Variants in SLC7A11 observed in about 807,000 individuals in gnomAD.
SLC7A11 encodes the protein solute carrier family 7 member 11.
Under a neutral mutation model 54.5 loss-of-function variants are expected in SLC7A11, and 35 were observed. The observed-to-expected ratio is 0.64, with a 90% CI of 0.49 to 0.85. The LOEUF (loss-of-function observed/expected upper bound fraction) is 0.85. Ranked by LOEUF, SLC7A11 falls within the 40% of genes least tolerant of loss-of-function variation. The pLI is 0.00. For missense variants in SLC7A11, 583 were observed against 618.1 expected (o/e 0.94, Z 0.60); for synonymous variants, 230 against 225.2 (o/e 1.02, Z -0.19).
intron 6 of SLC7A11, among the ~76,000 whole-genome samples, chr4:138,189,022 GA>G (rs1427853235): frequency 1.3e-5 from 2 of 152,122 alleles, no homozygotes; most frequent in Non-Finnish European, 2.9e-5. Flanking sequence ...GTCTTCAGTC[GA>G]AAAGGTCTTG....
chr4:138,180,715 G>A lies in SLC7A11; in HGVS notation c.1192C>T (p.Leu398Phe), dbSNP rs201882877. The A allele has an allele frequency of 5.0e-6, 8 of 1,612,820 alleles. No individual in the cohort carries two copies. Among genetic ancestry groups the A allele is most frequent in the African/African-American group, 1.3e-5 (1 of 74,844 alleles). Residue 398 changes from leucine (L) to phenylalanine (F), a missense_variant, in exon 10 of 12, where the codon CTT (leucine) becomes TTT (phenylalanine). Physicochemically the swap from Leu to Phe is conservative, Grantham distance 22. Coordinates refer to ENST00000280612, the MANE Select transcript of SLC7A11 (RefSeq NM_014331.4). ...LLNFLSFARW[L>F]FIGLAVAGLI... ...CCAGCAACTGCCAGCCCAATAAAAA[G>A]CCACCTGGCAAAACTGAGGAAATTC...
At chr4:138,206,641 T>C (rs1259292858) in intron 6 of SLC7A11, among the ~76,000 whole-genome samples, 1 of 151,838 alleles carries the variant, frequency 6.6e-6, no homozygotes, top group Non-Finnish European at 1.5e-5. Flanking sequence ...TATTATAATA[T>C]AATCCTATAA....
chr4:138,173,742 C>T (rs1736496096), intron 11 of SLC7A11, among the ~76,000 whole-genome samples: 2 of 151,970 alleles, frequency 1.3e-5, no homozygotes, highest in African/African-American at 4.8e-5. Flanking sequence ...GGGCCCAGCA[C>T]AGTCTCGGTA....
rs1736763109 is a variant in SLC7A11 at position 138,182,354 on chromosome 4, TTCTGGAAGGTGACCC to T, written c.1044_1058del (p.Gly349_Glu353del). On this transcript the variant is annotated inframe_deletion, in exon 9 of 12. Transcript: ENST00000280612. ...TGCGGACATGAATCATGGAGAGGATTTCTGGAAGGTGACCCTCTCGAGACGCAACATAGAATAACC... is the reference window on the plus strand; with the variant it reads ...TGCGGACATGAATCATGGAGAGGATTTCTCGAGACGCAACATAGAATAACC... The T allele has an allele frequency of 6.2e-7, 1 of 1,611,864 alleles. No homozygotes were observed. The highest frequency in any genetic ancestry group is 1.7e-5 in the Admixed American group (1 of 59,844).
intron 6 of SLC7A11, among the ~76,000 whole-genome samples, chr4:138,197,201 A>G (rs1370307300): frequency 6.6e-6 from 1 of 152,154 alleles, no homozygotes; most frequent in Admixed American, 6.5e-5. Flanking sequence ...ATATATAATA[A>G]TTAAATTTAT....
intron 2 of SLC7A11, among the ~76,000 whole-genome samples, chr4:138,234,316 C>T (rs1031685574): frequency 6.6e-6 from 1 of 152,066 alleles, no homozygotes; most frequent in African/African-American, 2.4e-5. Context: ...GCAATACTAA[C>T]TTAATCTAAA....
intron 6 of SLC7A11, among the ~76,000 whole-genome samples, chr4:138,196,427 A>G (rs1223665221): frequency 6.6e-6 from 1 of 152,190 alleles, no homozygotes; most frequent in Non-Finnish European, 1.5e-5. Flanking sequence ...AAGGAGCACA[A>G]GGAAGACTCA....
intron 1 of SLC7A11, among the ~76,000 whole-genome samples, chr4:138,241,442 G>A (rs568444590): frequency 2.0e-5 from 3 of 152,300 alleles, no homozygotes; most frequent in African/African-American, 7.2e-5. Context: ...CATGCCAGCT[G>A]CCAGAATGCC....
At chr4:138,185,075 C>G in intron 7 of SLC7A11, 46 bp downstream of exon 7, 1 of 1,607,564 alleles carries the variant, frequency 6.2e-7, no homozygotes, top group Middle Eastern at 1.7e-4. Context: ...ATTGCATCAG[C>G]TCATTAACCT....
At chr4:138,202,681 G>A (rs1453328821) in intron 6 of SLC7A11, among the ~76,000 whole-genome samples, 1 of 152,118 alleles carries the variant, frequency 6.6e-6, no homozygotes. Context: ...ACATACTAGA[G>A]TTGAAGGGAG....
intron 8 of SLC7A11, among the ~76,000 whole-genome samples, 181 bp from the exon 9 acceptor site, chr4:138,182,574 A>AT (rs1393725279): frequency 6.6e-6 from 1 of 152,096 alleles, no homozygotes; most frequent in African/African-American, 2.4e-5. Context: ...CTAAATTTGG[A>AT]TTTTACAAAA....
chr4:138,181,264 C>T (rs1044575127), intron 9 of SLC7A11, among the ~76,000 whole-genome samples: 64 of 152,106 alleles, frequency 4.2e-4, no homozygotes, highest in African/African-American at 1.4e-3. Flanking sequence ...GAAACACAGA[C>T]ACTCATAGGT....
Position 138,219,366 on chromosome 4 carries a change from C to T in SLC7A11, c.647-1G>A. The T allele has an allele frequency of 6.4e-7, 1 of 1,566,186 alleles. No homozygotes were observed. On this transcript the variant is annotated splice_acceptor_variant, in intron 4 of 11. Coordinates refer to ENST00000280612, the MANE Select transcript of SLC7A11 (RefSeq NM_014331.4). LOFTEE classifies it high-confidence loss of function. ...GCGTCTTTAAAGTTCTGCGTTTGACCTGTAATTAGAATAGACTGATTTTAG... is the reference window on the plus strand; with the variant it reads ...GCGTCTTTAAAGTTCTGCGTTTGACTTGTAATTAGAATAGACTGATTTTAG...
chr4:138,221,302 G>A (rs1737806049), intron 4 of SLC7A11, among the ~76,000 whole-genome samples: 1 of 152,064 alleles, frequency 6.6e-6, no homozygotes, highest in South Asian at 2.1e-4. Flanking sequence ...AATATTCAAA[G>A]GAAAGTTCAA....
intron 3 of SLC7A11, among the ~76,000 whole-genome samples, chr4:138,229,290 C>A (rs1399571229): frequency 6.6e-6 from 1 of 152,102 alleles, no homozygotes; most frequent in Non-Finnish European, 1.5e-5. Context: ...TAAATTTCTC[C>A]TTCTCTATCT....
chr4:138,176,392 A>G (rs1211801294), intron 11 of SLC7A11: 2 of 152,162 alleles, frequency 1.3e-5, no homozygotes, highest in Non-Finnish European at 2.9e-5. Flanking sequence ...AGTTTCACAA[A>G]TGGCTAACAC....
At chr4:138,176,878 C>G (rs2148408750) in intron 11 of SLC7A11, 1 of 152,170 alleles carries the variant, frequency 6.6e-6, no homozygotes, top group East Asian at 1.9e-4. Context: ...CCTTTTCCCT[C>G]AGAACAGGCT....
rs1052069540 is a variant in SLC7A11, at chr4:138,166,947, G to A, written c.*5009C>T. 2.6e-5 allele frequency: 4 copies of A among 152,032 alleles called. No homozygotes were observed. The East Asian group carries it at 7.7e-4, about 29-fold the overall frequency. The allele number at this position is 152,032 out of a possible 1,614,324, so 9.4% of individuals were successfully genotyped here. ...ATTGGTGAATTTCCTGTGAGACTAT[G>A]ATTTATGCTTTTGTGAATGTATACC... On this transcript the variant is annotated 3_prime_UTR_variant, in exon 12 of 12. Transcript: ENST00000280612.
intron 2 of SLC7A11, among the ~76,000 whole-genome samples, chr4:138,234,563 G>GT (rs201224066): frequency 0.17 from 24,742 of 148,418 alleles, 2,264 homozygotes; most frequent in East Asian, 0.37. Flanking sequence ...GAGAAAAGTA[G>GT]TTTTTTTTTT....
Sources: gnomAD v4.1 joint callset for allele counts (sites outside exome capture counted in the v4.1 genomes callset) on GRCh38, gnomAD v4.1.1 for gene constraint, MANE v1.5 for transcripts, NCBI Gene and HGNC (gene_info 2026-07-23, HGNC 2026-07-21) for gene names.